FGGY: variants seen among roughly 807,000 people sequenced by gnomAD.
FGGY encodes the protein FGGY carbohydrate kinase domain-containing protein.
FGGY carries 72 observed loss-of-function variants against 71.3 expected under a neutral mutation model. That is an observed-to-expected ratio of 1.01 (90% CI 0.84 to 1.23). FGGY has a LOEUF of 1.23. FGGY is among the 50% of genes most tolerant of loss of function. The pLI is 0.00. For missense variants in FGGY, 668 were observed against 682.3 expected (o/e 0.98, Z 0.23); for synonymous variants, 251 against 250.3 (o/e 1.00, Z -0.02).
chr1:59,358,362 T>A (rs561250816), intron 4 of FGGY, among the ~76,000 whole-genome samples: 35 of 152,256 alleles, frequency 2.3e-4, no homozygotes, highest in African/African-American at 8.4e-4. Context: ...TTTTGTCTGG[T>A]AACTACTAGG....
chr1:59,426,583 T>A (rs950246398), intron 5 of FGGY, among the ~76,000 whole-genome samples: 42 of 152,156 alleles, frequency 2.8e-4, no homozygotes, highest in African/African-American at 9.7e-4. Context: ...ACCTCAGGAG[T>A]TCCCCCATTG....
intron 15 of FGGY, among the ~76,000 whole-genome samples, chr1:59,758,445 C>T (rs544509044): frequency 6.6e-6 from 1 of 152,310 alleles, no homozygotes; most frequent in African/African-American, 2.4e-5. Context: ...TTATGCTGGG[C>T]TCCAGGCAGG....
intron 13 of FGGY, among the ~76,000 whole-genome samples, chr1:59,672,124 A>C (rs1211861918): frequency 6.6e-6 from 1 of 152,202 alleles, no homozygotes; most frequent in Non-Finnish European, 1.5e-5. Flanking sequence ...GGATTCTTCA[A>C]CGGCTTGCAG....
At position 59,304,592 on chromosome 1, in the gene FGGY, AT is replaced by A. The variant is rs576817670; in HGVS notation, c.-15+7452del. 2.4e-3 allele frequency among the ~76,000 whole-genome samples: 346 copies of A among 145,056 alleles called. 2 individuals are homozygous for A. Among genetic ancestry groups the A allele is most frequent in the African/African-American group, 6.6e-3 (262 of 39,684 alleles). On this transcript the variant is annotated intron_variant, in intron 1 of 15. Transcript: ENST00000303721. The stretch of plus-strand genomic sequence containing the variant: ...ATGAATTTTAGGATTGTTTTTCTCT[AT>A]TTTTTTTTTAAATGCCATTGGTATT...
chr1:59,511,182 C>A (rs1307192973), intron 6 of FGGY, among the ~76,000 whole-genome samples: 1 of 152,156 alleles, frequency 6.6e-6, no homozygotes, highest in Admixed American at 6.5e-5. Flanking sequence ...CGTCAAAGTG[C>A]TTTGGTTCCA....
chr1:59,666,202 C>G (rs1021454051), intron 12 of FGGY, among the ~76,000 whole-genome samples: 2 of 150,512 alleles, frequency 1.3e-5, no homozygotes, highest in African/African-American at 5.0e-5. Context: ...CTCTTCCCTC[C>G]TTTTTAGCAA....
In FGGY at chr1:59,451,739, T is replaced by A. The variant is rs188174502; in HGVS notation, c.555-5222T>A. Among the ~76,000 whole-genome samples the A allele has an allele frequency of 2.5e-4, 38 of 152,260 alleles. 1 individual carries two copies. Among genetic ancestry groups the A allele is most frequent in the Admixed American group, 4.6e-4 (7 of 15,290 alleles). On this transcript the variant is annotated intron_variant, in intron 5 of 15. Coordinates refer to ENST00000303721, the MANE Select transcript of FGGY (RefSeq NM_018291.5). ...TTGAATCCTTGTGTGTTGAAAATGT[T>A]TTTTTTGCCTCTTACAGCTAAATAA...
chr1:59,417,235 A>G (rs895222949), intron 5 of FGGY, among the ~76,000 whole-genome samples: 13 of 151,330 alleles, frequency 8.6e-5, no homozygotes, highest in South Asian at 2.1e-4. Context: ...GGGTTCATCT[A>G]TGTTGTAGTA....
At chr1:59,607,654 A>G (rs987000982) in intron 8 of FGGY, 149 bp from the exon 9 acceptor site, 2 of 553,060 alleles carry the variant, frequency 3.6e-6, no homozygotes, top group Middle Eastern at 3.2e-4. Context: ...AAAAGGAGCC[A>G]TGGCCTTTCT....
intron 7 of FGGY, among the ~76,000 whole-genome samples, chr1:59,531,193 A>T (rs1194919919): frequency 6.6e-6 from 1 of 152,194 alleles, no homozygotes; most frequent in African/African-American, 2.4e-5. Context: ...CTTACCAGTT[A>T]TGTAACTTCT....
intron 11 of FGGY, among the ~76,000 whole-genome samples, chr1:59,639,597 A>T (rs1166726583): frequency 1.3e-5 from 2 of 152,136 alleles, no homozygotes; most frequent in Admixed American, 6.5e-5. Context: ...GGGGAAGAAC[A>T]CATTTCATAT....
At chr1:59,565,196 G>A (rs2095855302) in intron 8 of FGGY, among the ~76,000 whole-genome samples, 1 of 152,162 alleles carries the variant, frequency 6.6e-6, no homozygotes, top group Non-Finnish European at 1.5e-5. Flanking sequence ...ACCTTATACA[G>A]TTGTCAGAAT....
intron 6 of FGGY, among the ~76,000 whole-genome samples, chr1:59,484,924 G>C (rs1278626765): frequency 6.6e-6 from 1 of 151,872 alleles, no homozygotes; most frequent in South Asian, 2.1e-4. Flanking sequence ...TCTTTAAAAT[G>C]GTTCAAAAAT....
At chr1:59,653,547 C>G (rs910444986) in intron 11 of FGGY, among the ~76,000 whole-genome samples, 6 of 152,170 alleles carry the variant, frequency 3.9e-5, no homozygotes, top group Admixed American at 1.3e-4. Context: ...TTCTTTGACT[C>G]GGAAAGGGAA....
chr1:59,593,428 T>C (rs1038995581), intron 8 of FGGY, among the ~76,000 whole-genome samples: 15 of 152,372 alleles, frequency 9.8e-5, no homozygotes, highest in East Asian at 1.9e-4. Flanking sequence ...TTTTCACATC[T>C]GCTCCGTGGC....
intron 5 of FGGY, among the ~76,000 whole-genome samples, chr1:59,425,262 AATTTGCATG>A (rs2066146873): frequency 6.6e-6 from 1 of 152,198 alleles, no homozygotes; most frequent in South Asian, 2.1e-4. Flanking sequence ...CATTTGATTA[AATTTGCATG>A]ATTATTATAT....
At chr1:59,662,941 A>G (rs559684849) in intron 12 of FGGY, among the ~76,000 whole-genome samples, 7 of 152,250 alleles carry the variant, frequency 4.6e-5, no homozygotes, top group Non-Finnish European at 7.3e-5. Flanking sequence ...TAAAAGAGTC[A>G]TAGAATGAAT....
chr1:59,543,041 A>T (rs1558290933), intron 7 of FGGY, among the ~76,000 whole-genome samples: 1 of 152,144 alleles, frequency 6.6e-6, no homozygotes, highest in Non-Finnish European at 1.5e-5. Context: ...AGAAGCAGAG[A>T]TGTCATTTCA....
chr1:59,598,556 A>C (rs1326122843), intron 8 of FGGY, among the ~76,000 whole-genome samples: 1 of 152,124 alleles, frequency 6.6e-6, no homozygotes, highest in African/African-American at 2.4e-5. Flanking sequence ...AGACCTGCTC[A>C]GTGCCCTCCC....
Sources: gnomAD v4.1 joint callset for allele counts (sites outside exome capture counted in the v4.1 genomes callset) on GRCh38, gnomAD v4.1.1 for gene constraint, MANE v1.5 for transcripts, NCBI Gene and HGNC (gene_info 2026-07-23, HGNC 2026-07-21) for gene names.